DMD: variants seen among roughly 807,000 people sequenced by gnomAD.
DMD encodes dystrophin.
DMD carries 63 observed loss-of-function variants against 330.1 expected under a neutral mutation model. The ratio of observed to expected loss-of-function variants is 0.19; its 90% CI spans 0.16 to 0.24. DMD has a LOEUF of 0.24. DMD is among the 10% of genes least tolerant of loss of function. The pLI is 1.00. For missense variants in DMD, 3,344 were observed against 2,684.1 expected (o/e 1.25, Z -5.43); for synonymous variants, 1,223 against 959.8 (o/e 1.27, Z -5.07).
chrX:33,129,354 T>TTTTTTTTTTG (rs2095484819), intron 1 of DMD, among the ~76,000 whole-genome samples: 1 of 94,534 alleles, frequency 1.1e-5, no homozygotes. Context: ...TTTTTTTTTT[T>TTTTTTTTTTG]TTAGTAGATC....
At chrX:32,628,258 ATTTTTTTTTTTTTTTTTTTTTT>A (rs1170760390) in intron 11 of DMD, among the ~76,000 whole-genome samples, 5 of 15,359 alleles carry the variant, frequency 3.3e-4, no homozygotes, top group African/African-American at 7.3e-4. Context: ...AGTTGTTTTA[ATTTTTTTTTTTTTTTTTTTTTT>A]TTTTTTTTTT....
intron 44 of DMD, among the ~76,000 whole-genome samples, chrX:32,142,232 T>A (rs929300738): frequency 5.4e-5 from 6 of 111,527 alleles, no homozygotes; most frequent in Non-Finnish European, 1.1e-4. Context: ...AGAGAGACAC[T>A]CTGCAAATTG....
chrX:33,050,221 C>A (rs2094440379), intron 1 of DMD, among the ~76,000 whole-genome samples: 1 of 111,358 alleles, frequency 9.0e-6, no homozygotes, highest in Non-Finnish European at 1.9e-5. Flanking sequence ...TAGATATTTG[C>A]TAATAAATAA....
chrX:33,049,234 G>A (rs2094427802), intron 1 of DMD, among the ~76,000 whole-genome samples: 1 of 111,784 alleles, frequency 8.9e-6, no homozygotes, highest in South Asian at 3.7e-4. Flanking sequence ...TGAAAATGGA[G>A]CTCCAAACTT....
At chrX:33,094,908 T>C (rs2095136616) in intron 1 of DMD, among the ~76,000 whole-genome samples, 1 of 110,762 alleles carries the variant, frequency 9.0e-6, no homozygotes, top group Non-Finnish European at 1.9e-5. Context: ...GTTAAAGGGG[T>C]AGCCAAGATT....
intron 7 of DMD, among the ~76,000 whole-genome samples, chrX:32,745,878 T>A (rs765752307): frequency 1.4e-4 from 16 of 112,095 alleles, no homozygotes; most frequent in Non-Finnish European, 2.3e-4. Flanking sequence ...GCTGCAAAAT[T>A]CTGTATTTTC....
At chrX:32,246,919 G>C (rs763995133) in intron 43 of DMD, among the ~76,000 whole-genome samples, 1 of 110,691 alleles carries the variant, frequency 9.0e-6, no homozygotes, top group Admixed American at 9.7e-5. Flanking sequence ...GGTTTTCCAC[G>C]TACTTCAGAG....
intron 12 of DMD, among the ~76,000 whole-genome samples, chrX:32,597,428 G>T (rs1275043588): frequency 9.0e-6 from 1 of 111,416 alleles, no homozygotes. Context: ...GGGGTTTGGG[G>T]AAAACATGCA....
At chrX:32,664,403 G>A (rs997157416) in intron 9 of DMD, among the ~76,000 whole-genome samples, 24 of 109,571 alleles carry the variant, frequency 2.2e-4, no homozygotes, top group African/African-American at 6.4e-4. Flanking sequence ...CACCACGGCC[G>A]GCAAATTTTT....
intron 44 of DMD, among the ~76,000 whole-genome samples, chrX:32,134,354 G>A (rs1175141628): frequency 9.0e-6 from 1 of 111,303 alleles, no homozygotes; most frequent in Non-Finnish European, 1.9e-5. Flanking sequence ...CAACTGCCCA[G>A]TCACAGAGCT....
At chrX:32,500,905 G>A (rs1603634952) in intron 19 of DMD, among the ~76,000 whole-genome samples, 1 of 111,898 alleles carries the variant, frequency 8.9e-6, no homozygotes, top group East Asian at 2.8e-4. Flanking sequence ...CAAAATGCAG[G>A]CAGATTCTGA....
Position 31,715,220 on chromosome X carries a change from T to C in DMD, c.7660+14411A>G, listed in dbSNP as rs12399809. Among the ~76,000 whole-genome samples, 13 of 77,742 alleles carry C rather than the reference T, an allele frequency of 1.7e-4. 1 individual carries two copies. Among genetic ancestry groups the C allele is most frequent in the African/African-American group, 4.6e-4 (11 of 23,765 alleles). 67.5% of individuals were successfully genotyped at this position (77,742 alleles called of 115,157 possible). ...TCCTGCTTTCAAGATTGGGGGTTGG[T>C]GGGGGGGGAGCTGCGAAACTGAACT... On this transcript the variant is annotated intron_variant, in intron 52 of 78. Coordinates refer to ENST00000357033, the MANE Select transcript of DMD (RefSeq NM_004006.3).
intron 7 of DMD, among the ~76,000 whole-genome samples, chrX:32,791,904 A>G (rs1029348690): frequency 1.8e-5 from 2 of 111,875 alleles, no homozygotes; most frequent in Non-Finnish European, 3.8e-5. Context: ...AAAAAGGGAT[A>G]CAATTCAAAA....
chrX:31,336,983 G>C (rs2039173666), intron 61 of DMD, among the ~76,000 whole-genome samples: 1 of 105,703 alleles, frequency 9.5e-6, no homozygotes, highest in Admixed American at 1.0e-4. Context: ...GTGTGCAATG[G>C]TGTGATCTTG....
intron 30 of DMD, among the ~76,000 whole-genome samples, chrX:32,392,993 T>C (rs1470339112): frequency 2.7e-5 from 3 of 111,956 alleles, no homozygotes; most frequent in Non-Finnish European, 5.6e-5. Flanking sequence ...TAAAATCACA[T>C]AAGAAACCAC....
At chrX:32,318,589 C>T (rs2148651111) in intron 41 of DMD, among the ~76,000 whole-genome samples, 1 of 110,794 alleles carries the variant, frequency 9.0e-6, no homozygotes, top group African/African-American at 3.3e-5. Context: ...GTGATTTCCC[C>T]CTTCCTATTG....
chrX:33,287,502 C>T (rs1226363287), intron 1 of DMD, among the ~76,000 whole-genome samples: 1 of 111,285 alleles, frequency 9.0e-6, no homozygotes, highest in African/African-American at 3.3e-5. Context: ...AGTATTTCAC[C>T]ACAGGCATCA....
At chrX:33,217,045 T>G (rs2148870415) in intron 1 of DMD, among the ~76,000 whole-genome samples, 1 of 111,739 alleles carries the variant, frequency 8.9e-6, no homozygotes, top group South Asian at 3.7e-4. Flanking sequence ...ACAGGCTTAT[T>G]AGGTAATATA....
rs544566144 is a variant in DMD, at chrX:31,510,966, T to C, written c.8218-3513A>G. On this transcript the variant is annotated intron_variant, in intron 55 of 78. Transcript: ENST00000357033. ...TTCATCTCTTTGTCTACAAGAGCCA[T>C]GTGGACTACTATGAACCATACCAAG... 1.9e-4 allele frequency among the ~76,000 whole-genome samples: 21 copies of C among 111,803 alleles called. 1 individual carries two copies. Among genetic ancestry groups the C allele is most frequent in the South Asian group, 3.7e-4 (1 of 2,691 alleles).
Sources: gnomAD v4.1 joint callset for allele counts (sites outside exome capture counted in the v4.1 genomes callset) on GRCh38, gnomAD v4.1.1 for gene constraint, MANE v1.5 for transcripts, NCBI Gene and HGNC (gene_info 2026-07-23, HGNC 2026-07-21) for gene names.